The following ARF4 variants were observed in gnomAD, a reference collection of about 807,000 sequenced individuals.
The protein encoded by ARF4 is ARF GTPase 4, also known as ADP-ribosylation factor 4.
A neutral mutation model predicts 24.3 loss-of-function variants in ARF4; 5 were observed. That is an observed-to-expected ratio of 0.21 (90% CI 0.11 to 0.43). The LOEUF (loss-of-function observed/expected upper bound fraction) is 0.43, where lower values mean the gene tolerates loss of function less well. ARF4 is among the 20% of genes least tolerant of loss of function. The pLI, the probability that ARF4 is intolerant of heterozygous loss-of-function variation, is 1.00. For synonymous variants in ARF4, 62 were observed against 73.5 expected (o/e 0.84, Z 0.80); for missense variants, 107 against 213.0 (o/e 0.50, Z 3.10).
At chr3:57,575,465 T>C (rs989869645) in intron 5 of ARF4, 83 bp downstream of exon 5, 3 of 1,359,948 alleles carry the variant, frequency 2.2e-6, no homozygotes, top group South Asian at 3.2e-5. Context: ...AGATAATAAA[T>C]GTTTAAACTG....
intron 3 of ARF4, among the ~76,000 whole-genome samples, chr3:57,580,413 CAA>C (rs1333653909): frequency 6.6e-6 from 1 of 151,482 alleles, no homozygotes; most frequent in Non-Finnish European, 1.5e-5. Flanking sequence ...TTCTTTTTTT[CAA>C]AAAAGAGGCA....
intron 1 of ARF4, among the ~76,000 whole-genome samples, chr3:57,587,313 C>T (rs1000654271): frequency 4.7e-5 from 5 of 105,436 alleles, no homozygotes; most frequent in African/African-American, 1.9e-4. Context: ...GAGCGGAACT[C>T]AGTCTCAAAA....
chr3:57,585,991 G>C (rs1431593558), intron 1 of ARF4, among the ~76,000 whole-genome samples: 1 of 152,002 alleles, frequency 6.6e-6, no homozygotes, highest in Non-Finnish European at 1.5e-5. Flanking sequence ...AGTTGAGGCA[G>C]AAGTACAAGT....
At chr3:57,585,821 C>T (rs1007534768) in intron 1 of ARF4, among the ~76,000 whole-genome samples, 1 of 152,004 alleles carries the variant, frequency 6.6e-6, no homozygotes, top group Non-Finnish European at 1.5e-5. Flanking sequence ...TGCCACCACA[C>T]CCCAGCTAAT....
At chr3:57,581,908 T>C (rs2069977586) in intron 3 of ARF4, among the ~76,000 whole-genome samples, 1 of 152,248 alleles carries the variant, frequency 6.6e-6, no homozygotes, top group Non-Finnish European at 1.5e-5. Context: ...TGTGAGTTTA[T>C]TATGCTATTC....
intron 3 of ARF4, among the ~76,000 whole-genome samples, chr3:57,578,475 G>C (rs2069932298): frequency 8.5e-6 from 1 of 117,808 alleles, no homozygotes; most frequent in Non-Finnish European, 2.0e-5. Flanking sequence ...TCAATTCTTA[G>C]AGATACAAAT....
intron 1 of ARF4, among the ~76,000 whole-genome samples, chr3:57,590,611 C>T (rs935371466): frequency 1.3e-5 from 2 of 152,116 alleles, no homozygotes; most frequent in African/African-American, 4.8e-5. Flanking sequence ...TCATGTTTTC[C>T]TTTATCTTTC....
At chr3:57,587,319 C>CAAAAA (rs56787111) in intron 1 of ARF4, among the ~76,000 whole-genome samples, 5 of 45,378 alleles carry the variant, frequency 1.1e-4, no homozygotes, top group Non-Finnish European at 1.9e-4. Context: ...AACTCAGTCT[C>CAAAAA]AAAAAAAAAA....
chr3:57,583,488 A>G (rs2070000570), intron 3 of ARF4, among the ~76,000 whole-genome samples: 1 of 152,220 alleles, frequency 6.6e-6, no homozygotes, highest in Non-Finnish European at 1.5e-5. Flanking sequence ...AATGCAGCGA[A>G]CTGACTTTAC....
intron 1 of ARF4, among the ~76,000 whole-genome samples, chr3:57,593,546 G>C (rs1475181773): frequency 2.6e-5 from 4 of 152,164 alleles, no homozygotes; most frequent in Non-Finnish European, 4.4e-5. Flanking sequence ...ACACTACACT[G>C]ATATCAGCAA....
At chr3:57,580,640 T>C (rs1004255691) in intron 3 of ARF4, among the ~76,000 whole-genome samples, 2 of 152,046 alleles carry the variant, frequency 1.3e-5, no homozygotes, top group African/African-American at 4.8e-5. Flanking sequence ...GTGATCCTCG[T>C]ATCATGGCCT....
chr3:57,581,246 G>A (rs2069967042), intron 3 of ARF4, among the ~76,000 whole-genome samples: 2 of 152,174 alleles, frequency 1.3e-5, no homozygotes. Flanking sequence ...TGCTGGGAAT[G>A]CAAGCTAAGA....
In ARF4 at chr3:57,591,807, CCAGA is replaced by C. The variant is rs933674666; in HGVS notation, c.67+5263_67+5266del. Reference sequence around the variant, plus strand: ...ACAACATCATGCCAAGTGAAAAAAGCCAGACAAAGAGGCCATAAATCATGATTCC... The same window carrying C: ...ACAACATCATGCCAAGTGAAAAAAGCCAAAGAGGCCATAAATCATGATTCC... On this transcript the variant is annotated intron_variant, in intron 1 of 5. Coordinates refer to ENST00000303436, the MANE Select transcript of ARF4 (RefSeq NM_001660.4). 5.3e-5 allele frequency among the ~76,000 whole-genome samples: 8 copies of C among 152,154 alleles called. No homozygotes were observed. The South Asian group carries it at 6.2e-4, about 12-fold the overall frequency.
chr3:57,573,942 T>C (rs963288705), intron 5 of ARF4, among the ~76,000 whole-genome samples: 3 of 150,490 alleles, frequency 2.0e-5, no homozygotes, highest in Non-Finnish European at 4.4e-5. Context: ...TGTTTTTTTT[T>C]GTTTGTTTGT....
At chr3:57,589,704 C>T (rs1351478410) in intron 1 of ARF4, among the ~76,000 whole-genome samples, 1 of 151,184 alleles carries the variant, frequency 6.6e-6, no homozygotes, top group Non-Finnish European at 1.5e-5. Context: ...GGCAACAAAG[C>T]GAGACTCCGT....
Position 57,590,355 on chromosome 3 carries a change from G to A in ARF4, c.68-5891C>T, listed in dbSNP as rs187683978. 6.9e-3 allele frequency among the ~76,000 whole-genome samples: 1,046 copies of A among 150,714 alleles called. 13 individuals carry two copies. Among genetic ancestry groups the A allele is most frequent in the African/African-American group, 0.023 (966 of 41,252 alleles). On this transcript the variant is annotated intron_variant, in intron 1 of 5. Coordinates refer to ENST00000303436, the MANE Select transcript of ARF4 (RefSeq NM_001660.4). ...ACAAAAATTAGCCGGGCGCAGTGGC[G>A]GGTGCCTGTAATCCCAGCTACTTGG...
intron 5 of ARF4, among the ~76,000 whole-genome samples, chr3:57,573,939 T>TG (rs1553729441): frequency 1.5e-4 from 22 of 150,564 alleles, no homozygotes; most frequent in African/African-American, 4.9e-4. Context: ...GGTTGTTTTT[T>TG]TTTGTTTGTT....
chr3:57,575,794 C>T (rs2153408444), intron 4 of ARF4, 121 bp from the exon 5 acceptor site: 2 of 1,086,288 alleles, frequency 1.8e-6, no homozygotes, highest in Middle Eastern at 2.3e-4. Flanking sequence ...AATTTCTCGA[C>T]ACAAAGTTCA....
chr3:57,581,649 A>G (rs1187525585), intron 3 of ARF4, among the ~76,000 whole-genome samples: 1 of 152,096 alleles, frequency 6.6e-6, no homozygotes, highest in Admixed American at 6.6e-5. Flanking sequence ...AAAAATACAA[A>G]ATTAGCCAGG....
Sources: allele counts gnomAD v4.1 joint callset (sites outside exome capture counted in the v4.1 genomes callset), GRCh38; gene constraint gnomAD v4.1.1; transcripts MANE v1.5; gene names NCBI Gene and HGNC (gene_info 2026-07-23, HGNC 2026-07-21).